WRN: variants seen among roughly 807,000 people sequenced by gnomAD.
WRN encodes the protein WRN RecQ like helicase.
A neutral mutation model predicts 180.7 loss-of-function variants in WRN; 149 were observed. The ratio of observed to expected loss-of-function variants is 0.82; its 90% CI spans 0.72 to 0.94. The LOEUF is 0.94. WRN is among the 40% of genes least tolerant of loss of function. The pLI is 0.00. For synonymous variants in WRN, 548 were observed against 568.9 expected (o/e 0.96, Z 0.52); for missense variants, 1,661 against 1,700.1 (o/e 0.98, Z 0.40).
At chr8:31,149,455 G>GTTTTTTTTTTTTTTTTTTTTTTTT (rs71208105) in intron 30 of WRN, among the ~76,000 whole-genome samples, 1 of 51,976 alleles carries the variant, frequency 1.9e-5, no homozygotes, top group African/African-American at 7.7e-5. Flanking sequence ...TAATAGAGGT[G>GTTTTTTTTTTTTTTTTTTTTTTTT]TTTTTTTTTT....
chr8:31,154,900 G>A, intron 32 of WRN, 145 bp downstream of exon 32: 2 of 1,150,982 alleles, frequency 1.7e-6, no homozygotes, highest in Non-Finnish European at 2.4e-6. Flanking sequence ...TTTTAAAAGA[G>A]AATGTTGTTT....
At chr8:31,140,003 GTTTTTTTTTT>G (rs71539917) in intron 24 of WRN, among the ~76,000 whole-genome samples, 37 of 62,104 alleles carry the variant, frequency 6.0e-4, no homozygotes, top group South Asian at 1.6e-3. Flanking sequence ...ATACTTCTTT[GTTTTTTTTTT>G]TTTTTTTTTT....
At chr8:31,075,430 G>T (rs1813058761) in intron 7 of WRN, among the ~76,000 whole-genome samples, 1 of 152,118 alleles carries the variant, frequency 6.6e-6, no homozygotes, top group Non-Finnish European at 1.5e-5. Flanking sequence ...ATTTTATTTT[G>T]GCCGGGGGTG....
chr8:31,149,461 T>TGTTTTTTTTTG (rs764680837), intron 30 of WRN, among the ~76,000 whole-genome samples: 2 of 24,298 alleles, frequency 8.2e-5, no homozygotes, highest in Non-Finnish European at 8.7e-5. Context: ...AGGTGTTTTT[T>TGTTTTTTTTTG]TTTTTTTTTT....
chr8:31,070,720 G>A (rs1221692175), intron 7 of WRN, among the ~76,000 whole-genome samples: 1 of 151,778 alleles, frequency 6.6e-6, no homozygotes, highest in African/African-American at 2.4e-5. Flanking sequence ...TGGAGAAAGT[G>A]CAGGTAAAAG....
Position 31,137,816 on chromosome 8 carries a change from T to C in WRN, c.2968-3614T>C, listed in dbSNP as rs184099746. 5.7e-4 allele frequency among the ~76,000 whole-genome samples: 87 copies of C among 151,918 alleles called. 1 individual carries two copies. Among genetic ancestry groups the C allele is most frequent in the Admixed American group, 5.1e-3 (78 of 15,270 alleles). ...GTGCTTGTGCATGCGTGTGGTATAA[T>C]AAGAAAAAATTAGCATTTATGCCTG... is the stretch of plus-strand genomic sequence containing the variant. On this transcript the variant is annotated intron_variant, in intron 24 of 34. Transcript: ENST00000298139.
intron 18 of WRN, among the ~76,000 whole-genome samples, chr8:31,103,986 G>A (rs181770350): frequency 0.012 from 1,815 of 152,092 alleles, 34 homozygotes; most frequent in African/African-American, 0.042. Flanking sequence ...CACCTGCCTC[G>A]GCCTCCCAAA....
intron 28 of WRN, among the ~76,000 whole-genome samples, chr8:31,146,546 A>G (rs1802863514): frequency 6.6e-6 from 1 of 151,972 alleles, no homozygotes. Flanking sequence ...TTACCTAGTG[A>G]CATTTTAATT....
At chr8:31,058,670 C>T in intron 2 of WRN, 127 bp downstream of exon 2, 1 of 901,856 alleles carries the variant, frequency 1.1e-6, no homozygotes, top group South Asian at 1.5e-5. Flanking sequence ...TCTAAATGCA[C>T]CAGGACCTAG....
In WRN at chr8:31,147,314, G is replaced by C. The variant is rs140836322; in HGVS notation, c.3460-50G>C. ...CTGAAGCTCTAAAAATAAAGGACTA[G>C]ATCTTTTAAGTACACTTTAAAAAGT... On this transcript the variant is annotated intron_variant, in intron 29 of 34. Coordinates refer to ENST00000298139, the MANE Select transcript of WRN (RefSeq NM_000553.6). 8.3e-6 allele frequency: 13 copies of C among 1,569,472 alleles called. No individual in the cohort carries two copies. The African/African-American group carries it at 1.8e-4, about 21-fold the overall frequency.
chr8:31,045,070 A>T (rs1203037764), intron 1 of WRN, among the ~76,000 whole-genome samples: 1 of 152,226 alleles, frequency 6.6e-6, no homozygotes, highest in East Asian at 1.9e-4. Flanking sequence ...TGGTAATGAT[A>T]TTTCAAAATT....
intron 11 of WRN, among the ~76,000 whole-genome samples, chr8:31,085,503 T>G (rs1205485353): frequency 1.3e-5 from 2 of 151,870 alleles, no homozygotes; most frequent in African/African-American, 4.8e-5. Flanking sequence ...AGGGTCTCAC[T>G]CTGTCACCCA....
intron 20 of WRN, 36 bp downstream of exon 20, chr8:31,116,564 A>G (rs541746919): frequency 1.2e-6 from 2 of 1,611,124 alleles, no homozygotes; most frequent in Admixed American, 1.7e-5. Context: ...TCCGTTGCTC[A>G]TAGTGGAAGT....
At position 31,059,359 on chromosome 8, in the gene WRN, G is replaced by A. The variant is rs545879766; in HGVS notation, c.209+94G>A. 1.8e-4 allele frequency: 179 copies of A among 999,450 alleles called. 2 individuals are homozygous for A. Among genetic ancestry groups the A allele is most frequent in the Non-Finnish European group, 2.5e-4 (155 of 629,194 alleles). The allele number at this position is 999,450 out of a possible 1,614,324, so 61.9% of individuals were successfully genotyped here. On this transcript the variant is annotated intron_variant, in intron 3 of 34. Coordinates refer to ENST00000298139, the MANE Select transcript of WRN (RefSeq NM_000553.6). ...TGTGAATATACTGAGTTTTACAGGT[G>A]AGGTGTGTTCAATAGATAATTATTT... is the stretch of plus-strand genomic sequence containing the variant.
At chr8:31,111,851 T>C in intron 19 of WRN, 52 bp downstream of exon 19, 1 of 1,564,170 alleles carries the variant, frequency 6.4e-7, no homozygotes, top group Non-Finnish European at 8.8e-7. Flanking sequence ...TTTTTTTTTT[T>C]TAACAACTTA....
chr8:31,105,661 T>C (rs1259490371), intron 18 of WRN, among the ~76,000 whole-genome samples: 1 of 152,134 alleles, frequency 6.6e-6, no homozygotes, highest in Admixed American at 6.5e-5. Flanking sequence ...GGTTTCACCA[T>C]ATTGGCCAGG....
intron 8 of WRN, among the ~76,000 whole-genome samples, chr8:31,077,294 G>A (rs1585423030): frequency 6.6e-6 from 1 of 152,066 alleles, no homozygotes; most frequent in Non-Finnish European, 1.5e-5. Context: ...AGGCTGGAGT[G>A]CAGTGACATG....
In WRN at chr8:31,115,769, T is replaced by A. The variant is rs553812936; in HGVS notation, c.2274-585T>A. 3.9e-5 allele frequency among the ~76,000 whole-genome samples: 6 copies of A among 152,340 alleles called. No individual in the cohort carries two copies. In the South Asian group the frequency reaches 1.2e-3, roughly 32 times the overall value. On this transcript the variant is annotated intron_variant, in intron 19 of 34. Coordinates refer to ENST00000298139, the MANE Select transcript of WRN (RefSeq NM_000553.6). The stretch of plus-strand genomic sequence containing the variant: ...ATACTTCTATGGAAATCGTTTACGC[T>A]TTTAATAAAGAAGCACAAGTTTCTA...
intron 33 of WRN, 63 bp downstream of exon 33, chr8:31,157,593 A>C: frequency 3.8e-6 from 6 of 1,594,952 alleles, no homozygotes; most frequent in Non-Finnish European, 5.1e-6. Context: ...GCAATCCACT[A>C]TATTTTTCAC....
Sources: gnomAD v4.1 joint callset for allele counts (sites outside exome capture counted in the v4.1 genomes callset) on GRCh38, gnomAD v4.1.1 for gene constraint, MANE v1.5 for transcripts, NCBI Gene and HGNC (gene_info 2026-07-23, HGNC 2026-07-21) for gene names.